The following FER variants were observed in gnomAD, a reference collection of about 807,000 sequenced individuals.
FER encodes tyrosine-protein kinase Fer.
In FER, 63 loss-of-function variants were observed where a neutral mutation model predicts 111.0. That is an observed-to-expected ratio of 0.57 (90% CI 0.46 to 0.70). The LOEUF is 0.70. Among genes scored for constraint, FER ranks in the 30% least tolerant of loss-of-function variants. The pLI is 0.00. For missense variants in FER, 914 were observed against 954.0 expected, an observed-to-expected ratio of 0.96 and a Z score of 0.55; for synonymous variants, 327 against 313.9, an observed-to-expected ratio of 1.04 and a Z score of -0.44.
chr5:109,161,884 AAC>A (rs1756028270), intron 17 of FER, among the ~76,000 whole-genome samples: 1 of 152,090 alleles, frequency 6.6e-6, no homozygotes, highest in Non-Finnish European at 1.5e-5. Context: ...CACTCCAACC[AAC>A]AGTGTATAAA....
chr5:108,927,853 A>G (rs1249117092), intron 10 of FER, among the ~76,000 whole-genome samples: 1 of 152,204 alleles, frequency 6.6e-6, no homozygotes, highest in Non-Finnish European at 1.5e-5. Context: ...ATGGTAGCTG[A>G]TAAGCAAATT....
intron 13 of FER, among the ~76,000 whole-genome samples, chr5:108,993,593 GAGGGCGAGGGCGAGGGAGAGGGCA>G (rs1763575080): frequency 4.4e-5 from 5 of 113,330 alleles, no homozygotes; most frequent in Admixed American, 8.6e-5. Flanking sequence ...GGGAGAGGGA[GAGGGCGAGGGCGAGGGAGAGGGCA>G]AGGGCGAGGG....
intron 13 of FER, among the ~76,000 whole-genome samples, chr5:109,015,505 C>T (rs1283754132): frequency 6.6e-6 from 1 of 151,842 alleles, no homozygotes; most frequent in African/African-American, 2.4e-5. Context: ...CACTCTGGAG[C>T]TATACTGGTG....
At chr5:109,145,750 A>G (rs1754020129) in intron 17 of FER, among the ~76,000 whole-genome samples, 1 of 152,222 alleles carries the variant, frequency 6.6e-6, no homozygotes, top group East Asian at 1.9e-4. Context: ...GTATGCATAT[A>G]GAATGTTATT....
At chr5:109,096,117 G>T (rs78158867) in intron 16 of FER, among the ~76,000 whole-genome samples, 5,336 of 151,866 alleles carry the variant, frequency 0.035, 353 homozygotes, top group African/African-American at 0.12. Flanking sequence ...TAGTGTGATC[G>T]GTTCCTCTGA....
Position 108,954,748 on chromosome 5 carries a change from T to C in FER, c.1349T>C (p.Ile450Thr). ...TTTAAGCTTTCTGATATGATCTCCA[T>C]CAGTGAGAAGCCTTTGGCAGAACAG... is the stretch of plus-strand genomic sequence containing the variant. ...GSSALSDMIS[I>T]SEKPLAEQDW... is the part of the protein sequence containing the mutation. Residue 450 changes from isoleucine (I) to threonine (T), a missense_variant, in exon 12 of 20, where the codon ATC becomes ACC. This residue lies in a region of FER where 774 missense variants were observed against 782.6 expected (regional missense o/e 0.99). Coordinates refer to ENST00000281092, the MANE Select transcript of FER (RefSeq NM_005246.4). 1 of 1,600,598 alleles carries C rather than the reference T, an allele frequency of 6.2e-7. No homozygotes were observed. The highest frequency in any genetic ancestry group is 8.5e-7 in the Non-Finnish European group (1 of 1,172,870).
rs1008428646 is a variant in FER, at chr5:108,747,986, T to G, written c.-220T>G. ...ACCCGTTTGGGTTCTCCACGCATTC[T>G]AGACTCCCGAAGAGGTAAGAATTTA... is the stretch of plus-strand genomic sequence containing the variant. On this transcript the variant is annotated 5_prime_UTR_variant, in exon 1 of 20. Coordinates refer to ENST00000281092, the MANE Select transcript of FER (RefSeq NM_005246.4). 3.3e-5 allele frequency: 5 copies of G among 152,226 alleles called. No individual in the cohort carries two copies. The highest frequency in any genetic ancestry group is 1.2e-4 in the African/African-American group (5 of 41,442). 9.4% of individuals were successfully genotyped at this position (152,226 alleles called of 1,614,324 possible). A position where few individuals can be genotyped will look rare whatever the true frequency, so the allele number is the denominator to read the frequency against.
chr5:108,779,430 A>C (rs1196183103), intron 2 of FER, among the ~76,000 whole-genome samples: 1 of 152,192 alleles, frequency 6.6e-6, no homozygotes, highest in East Asian at 1.9e-4. Flanking sequence ...TGAACATGGA[A>C]TATCTCTTCA....
intron 17 of FER, among the ~76,000 whole-genome samples, chr5:109,174,131 A>G (rs1207288926): frequency 6.6e-6 from 1 of 152,172 alleles, no homozygotes; most frequent in African/African-American, 2.4e-5. Flanking sequence ...AGTAATGGGC[A>G]CAGAACTTGC....
chr5:109,094,121 T>G (rs998786714), intron 16 of FER, among the ~76,000 whole-genome samples: 1 of 151,776 alleles, frequency 6.6e-6, no homozygotes, highest in African/African-American at 2.4e-5. Flanking sequence ...TGTGTAAATT[T>G]GTGTATCAGC....
At chr5:108,883,354 A>G in intron 8 of FER, 42 bp from the exon 9 acceptor site, 1 of 1,549,614 alleles carries the variant, frequency 6.5e-7, no homozygotes, top group South Asian at 1.2e-5. Context: ...ATAAAGTGAA[A>G]ATTAATTTGT....
chr5:108,799,270 ACT>A (rs1244880725), intron 3 of FER, among the ~76,000 whole-genome samples: 1 of 152,176 alleles, frequency 6.6e-6, no homozygotes, highest in African/African-American at 2.4e-5. Context: ...GAAATATTAA[ACT>A]CTAATAGTTC....
intron 11 of FER, among the ~76,000 whole-genome samples, chr5:108,947,424 T>A (rs1757133942): frequency 6.6e-6 from 1 of 152,078 alleles, no homozygotes; most frequent in African/African-American, 2.4e-5. Context: ...TTACTGTAGT[T>A]TTAATTTCCA....
chr5:109,187,679 C>A lies in FER; in HGVS notation c.*104C>A. ...TTTATACCACATTACCTTCGACAGT[C>A]TTCTACCATTATTTTTTATTAACTG... On this transcript the variant is annotated 3_prime_UTR_variant, in exon 20 of 20. Transcript: ENST00000281092. The A allele has an allele frequency of 7.6e-7, 1 of 1,323,900 alleles. No individual in the cohort carries two copies. Among genetic ancestry groups the A allele is most frequent in the South Asian group, 1.4e-5 (1 of 73,182 alleles). 82.0% of individuals were successfully genotyped at this position (1,323,900 alleles called of 1,614,324 possible).
intron 3 of FER, among the ~76,000 whole-genome samples, chr5:108,815,325 A>G (rs1196182126): frequency 2.0e-5 from 3 of 152,082 alleles, no homozygotes; most frequent in Non-Finnish European, 1.5e-5. Flanking sequence ...TTATATTTCT[A>G]GAAATTTCCT....
chr5:108,845,447 G>T (rs1275515367), intron 5 of FER, among the ~76,000 whole-genome samples: 1 of 152,000 alleles, frequency 6.6e-6, no homozygotes, highest in East Asian at 1.9e-4. Context: ...CTCCCAAAGT[G>T]CTGGGGTTAC....
At chr5:108,947,362 T>G (rs1181491829) in intron 11 of FER, among the ~76,000 whole-genome samples, 2 of 152,030 alleles carry the variant, frequency 1.3e-5, no homozygotes, top group African/African-American at 4.8e-5. Context: ...CAACAATTGT[T>G]ATTTTAAATG....
intron 17 of FER, among the ~76,000 whole-genome samples, chr5:109,124,180 T>C (rs1364886187): frequency 6.6e-6 from 1 of 152,294 alleles, no homozygotes; most frequent in South Asian, 2.1e-4. Context: ...TGTGCCATGA[T>C]TGTGCCACTG....
At chr5:109,083,733 C>T (rs1354531676) in intron 16 of FER, among the ~76,000 whole-genome samples, 1 of 151,938 alleles carries the variant, frequency 6.6e-6, no homozygotes, top group Non-Finnish European at 1.5e-5. Context: ...TAGTGAGCAA[C>T]TCTGAAAGAT....
Sources: allele counts gnomAD v4.1 joint callset (sites outside exome capture counted in the v4.1 genomes callset), GRCh38; gene constraint gnomAD v4.1.1; regional missense constraint gnomAD v4.1.1; transcripts MANE v1.5; gene names NCBI Gene and HGNC (gene_info 2026-07-23, HGNC 2026-07-21).